FGL1: variants seen among roughly 807,000 people sequenced by gnomAD.
The protein encoded by FGL1 is fibrinogen-like protein 1.
A neutral mutation model predicts 43.7 loss-of-function variants in FGL1; 59 were observed. That is an observed-to-expected ratio of 1.35 (90% CI 1.10 to 1.68). FGL1 has a LOEUF of 1.68. FGL1 is among the 40% of genes most tolerant of loss of function. The probability of loss-of-function intolerance (pLI) is 0.00; values close to 1 mark genes in which losing one functional copy is unlikely to be tolerated. For missense variants in FGL1, 596 were observed against 373.0 expected, an observed-to-expected ratio of 1.60 and a Z score of -4.92; for synonymous variants, 192 against 126.5, an observed-to-expected ratio of 1.52 and a Z score of -3.48.
At chr8:17,877,091 G>A (rs1185161662) in intron 3 of FGL1, among the ~76,000 whole-genome samples, 2 of 152,098 alleles carry the variant, frequency 1.3e-5, no homozygotes, top group Non-Finnish European at 2.9e-5. Context: ...AATCGTAACA[G>A]CAGAAAGTAT....
intron 1 of FGL1, among the ~76,000 whole-genome samples, chr8:17,888,551 A>G (rs978219051): frequency 1.1e-4 from 16 of 152,206 alleles, no homozygotes; most frequent in African/African-American, 3.6e-4. Flanking sequence ...AAGACATCTG[A>G]TGTTAGGAGC....
intron 3 of FGL1, among the ~76,000 whole-genome samples, chr8:17,875,851 C>T (rs965956249): frequency 3.9e-5 from 6 of 152,086 alleles, no homozygotes; most frequent in African/African-American, 1.5e-4. Flanking sequence ...AGGCCATCCG[C>T]CCGCCTCGGC....
chr8:17,890,092 C>G (rs575887072), intron 1 of FGL1, among the ~76,000 whole-genome samples: 1 of 152,270 alleles, frequency 6.6e-6, no homozygotes, highest in Non-Finnish European at 1.5e-5. Flanking sequence ...CTTTAGAAGA[C>G]ACATTATGTT....
In FGL1 at chr8:17,875,535, CTCTTTCTTTCTTTCTTTCTT is replaced by C. The variant is rs1314798071; in HGVS notation, c.245-1034_245-1015del. ...TCTTTCTTTCTTTCTTTCTTTCTTT[CTCTTTCTTTCTTTCTTTCTT>C]TCTTTCTTTCTTTCTTTCTTTCTTT... On this transcript the variant is annotated intron_variant, in intron 3 of 7. Transcript: ENST00000427924. Among the ~76,000 whole-genome samples the C allele has an allele frequency of 3.2e-3, 81 of 25,376 alleles. 1 individual carries two copies. The highest frequency in any genetic ancestry group is 5.2e-3 in the African/African-American group (36 of 6,950). The allele number at this position is 25,376 out of a possible 152,430, so 16.6% of individuals were successfully genotyped here. A position where few individuals can be genotyped will look rare whatever the true frequency, so the allele number is the denominator to read the frequency against.
At chr8:17,890,199 A>G (rs2053684701) in intron 1 of FGL1, among the ~76,000 whole-genome samples, 1 of 152,164 alleles carries the variant, frequency 6.6e-6, no homozygotes, top group African/African-American at 2.4e-5. Context: ...ATCATTTCTC[A>G]CCACCTCTAT....
intron 7 of FGL1, among the ~76,000 whole-genome samples, chr8:17,865,190 G>T (rs1327604382): frequency 6.6e-6 from 1 of 152,064 alleles, no homozygotes; most frequent in Admixed American, 6.6e-5. Flanking sequence ...TTCAATTTTT[G>T]ATTTTCTTTA....
rs199769643 is a variant in FGL1, at chr8:17,864,636, C to T, written c.895G>A (p.Val299Ile). The change falls in exon 8 of 8, where the codon GTT (valine) becomes ATT (isoleucine). Residue 299 changes from valine (V) to isoleucine (I), a missense_variant. Val to Ile is a conservative substitution (Grantham distance 29). Transcript: ENST00000427924. The part of the protein sequence containing the change: ...HGWWYSLKSV[V>I]MKIRPNDFIP... Reference sequence around the variant, plus strand: ...AAATCATTTGGCCTAATTTTCATAACCACAGATTTCAGAGAATACCACCAC... The same window carrying T: ...AAATCATTTGGCCTAATTTTCATAATCACAGATTTCAGAGAATACCACCAC... The T allele has an allele frequency of 6.2e-6, 10 of 1,612,122 alleles. No individual in the cohort carries two copies. In the African/African-American group the frequency reaches 1.2e-4, roughly 19 times the overall value.
Position 17,864,660 on chromosome 8 carries a change from ACCCATGCCAGGTGTAC to A in FGL1, c.855_870del (p.Trp285CysfsTer6). The A allele has an allele frequency of 1.9e-6, 3 of 1,613,468 alleles. No individual in the cohort carries two copies. The highest frequency in any genetic ancestry group is 1.3e-5 in the African/African-American group (1 of 74,924). On this transcript the variant is annotated frameshift_variant, in exon 8 of 8. Coordinates refer to ENST00000427924, the MANE Select transcript of FGL1 (RefSeq NM_004467.4). LOFTEE classifies it high-confidence loss of function. ...ACCACAGATTTCAGAGAATACCACC[ACCCATGCCAGGTGTAC>A]CAGACAATCCCATTGTCTGTTTTAG...
intron 1 of FGL1, among the ~76,000 whole-genome samples, chr8:17,893,769 C>G (rs187937438): frequency 1.4e-5 from 2 of 146,962 alleles, no homozygotes; most frequent in South Asian, 4.2e-4. Context: ...TGAAGAAATG[C>G]TAAGCATTAA....
intron 3 of FGL1, among the ~76,000 whole-genome samples, chr8:17,880,117 G>C (rs552160232): frequency 2.2e-4 from 34 of 152,292 alleles, no homozygotes; most frequent in African/African-American, 8.2e-4. Flanking sequence ...CTTGGCTCCA[G>C]AGGCACTGGC....
intron 3 of FGL1, among the ~76,000 whole-genome samples, chr8:17,881,397 C>T (rs151064231): frequency 8.4e-4 from 127 of 151,748 alleles, no homozygotes; most frequent in African/African-American, 2.8e-3. Context: ...GGCCTCCCAA[C>T]GTGCTGGGAT....
rs369514263 is a variant in FGL1 at position 17,882,161 on chromosome 8, G to C, written c.82C>G (p.Gln28Glu). Reference sequence around the variant, plus strand: ...TGGGCTCTGAGCCGCATCTGCTCCTGGGCACAGTCCTCGAGCGCCTGCAAA... The same window carrying C: ...TGGGCTCTGAGCCGCATCTGCTCCTCGGCACAGTCCTCGAGCGCCTGCAAA... ...REISALEDCAQEQMRLRAQVR... is the reference protein window; with the variant it reads ...REISALEDCAEEQMRLRAQVR... The change falls in exon 3 of 8, where the codon CAG becomes GAG. Residue 28 changes from glutamine (Q) to glutamate (E), a missense_variant. Gln to Glu is a conservative substitution (Grantham distance 29). Transcript: ENST00000427924. 7.6e-5 allele frequency: 123 copies of C among 1,613,598 alleles called. No individual in the cohort carries two copies. Among genetic ancestry groups the C allele is most frequent in the Non-Finnish European group, 1.0e-4 (122 of 1,179,958 alleles).
At chr8:17,891,948 A>G in intron 1 of FGL1, 1 of 208,836 alleles carries the variant, frequency 4.8e-6, no homozygotes, top group South Asian at 1.7e-4. Context: ...AAATCCCAAA[A>G]GAAAATATAT....
chr8:17,888,412 T>C (rs762258079), intron 1 of FGL1, among the ~76,000 whole-genome samples: 19 of 152,196 alleles, frequency 1.2e-4, no homozygotes, highest in African/African-American at 2.4e-4. Flanking sequence ...TTCTTTAAGA[T>C]AAAAACATTG....
intron 2 of FGL1, 138 bp from the exon 3 acceptor site, chr8:17,882,317 C>A (rs912084770): frequency 1.6e-5 from 13 of 819,356 alleles, no homozygotes; most frequent in Non-Finnish European, 2.2e-5. Context: ...GAGAAAGTGG[C>A]TTGAAAAGTT....
chr8:17,876,300 G>C (rs1004013495), intron 3 of FGL1, among the ~76,000 whole-genome samples: 1 of 151,718 alleles, frequency 6.6e-6, no homozygotes, highest in African/African-American at 2.4e-5. Context: ...CTCTTGTTTT[G>C]TTACAGATAA....
chr8:17,868,589 C>G lies in FGL1; in HGVS notation c.738G>C (p.Gly246=), dbSNP rs142936457. Residue 246 remains glycine (G), a synonymous_variant, in exon 7 of 8, where the codon GGG becomes GGC. Coordinates refer to ENST00000427924, the MANE Select transcript of FGL1 (RefSeq NM_004467.4). The stretch of plus-strand genomic sequence containing the variant: ...CAGACTGATCTTCTTCTGCGCAGTT[C>G]CCTTCATAGTTGTCATGATCTCTGT... ...TWDRDHDNYE[G]NCAEEDQSGW... The G allele has an allele frequency of 3.4e-5, 55 of 1,613,808 alleles. No homozygotes were observed. The African/African-American group carries it at 6.0e-4, about 18-fold the overall frequency.
chr8:17,864,740 G>C lies in FGL1; in HGVS notation c.791C>G (p.Ala264Gly). ...SGWWFNRCHS[A>G]NLNGVYYSGP... is the part of the protein sequence containing the mutation. ...GCTGTAGTATACACCATTCAGGTTT[G>C]CAGAGTGACACCTAGTGGAAGGGAG... The change falls in exon 8 of 8, where the codon GCA becomes GGA. Residue 264 changes from alanine to glycine, a missense_variant. Physicochemically the swap from Ala to Gly is moderately conservative, Grantham distance 60. Transcript: ENST00000427924. 1.3e-6 allele frequency: 2 copies of C among 1,521,482 alleles called. No individual in the cohort carries two copies. Among genetic ancestry groups the C allele is most frequent in the Non-Finnish European group, 1.8e-6 (2 of 1,136,788 alleles). 94.2% of individuals were successfully genotyped at this position (1,521,482 alleles called of 1,614,324 possible).
rs983912109 is a variant in FGL1 at position 17,889,895 on chromosome 8, C to T, written c.-17-4324G>A. Among the ~76,000 whole-genome samples the T allele has an allele frequency of 3.9e-5, 6 of 152,294 alleles. No homozygotes were observed. The East Asian group carries it at 1.2e-3, about 29-fold the overall frequency. On this transcript the variant is annotated intron_variant, in intron 1 of 7. Coordinates refer to ENST00000427924, the MANE Select transcript of FGL1 (RefSeq NM_004467.4). ...AAAATCATTATAACCATTTATACTA[C>T]AATGAATACCAAAAAAATAGGTTCA...
Sources: gnomAD v4.1 joint callset for allele counts (sites outside exome capture counted in the v4.1 genomes callset) on GRCh38, gnomAD v4.1.1 for gene constraint, MANE v1.5 for transcripts, NCBI Gene and HGNC (gene_info 2026-07-23, HGNC 2026-07-21) for gene names.